LGR6: variants seen among roughly 807,000 people sequenced by gnomAD.
The protein encoded by LGR6 is leucine rich repeat containing G protein-coupled receptor 6.
LGR6 carries 45 observed loss-of-function variants against 69.4 expected under a neutral mutation model. The observed-to-expected ratio is 0.65, with a 90% CI of 0.51 to 0.83. LGR6 has a LOEUF of 0.83. Ranked by LOEUF, LGR6 falls within the 40% of genes least tolerant of loss-of-function variation. The pLI, the probability that LGR6 is intolerant of heterozygous loss-of-function variation, is 0.00. For missense variants in LGR6, 1,108 were observed against 1,246.7 expected, an observed-to-expected ratio of 0.89 and a Z score of 1.68; for synonymous variants, 538 against 555.0, an observed-to-expected ratio of 0.97 and a Z score of 0.43.
chr1:202,288,879 G>A (rs1666590820), intron 6 of LGR6, among the ~76,000 whole-genome samples: 1 of 152,216 alleles, frequency 6.6e-6, no homozygotes, highest in African/African-American at 2.4e-5. Flanking sequence ...GCTGTGGTCA[G>A]GAACACCTCA....
chr1:202,194,834 C>G (rs1658579576), intron 1 of LGR6, among the ~76,000 whole-genome samples: 1 of 152,320 alleles, frequency 6.6e-6, no homozygotes, highest in East Asian at 1.9e-4. Context: ...TCCCTAAAGT[C>G]ATGTCCCAAG....
At chr1:202,205,145 C>A (rs1412323563) in intron 1 of LGR6, among the ~76,000 whole-genome samples, 7 of 108,524 alleles carry the variant, frequency 6.5e-5, no homozygotes, top group African/African-American at 2.7e-4. Context: ...AACACACACA[C>A]ACCTCCACAC....
intron 3 of LGR6, among the ~76,000 whole-genome samples, chr1:202,230,260 C>A (rs866691630): frequency 6.6e-6 from 1 of 152,146 alleles, no homozygotes; most frequent in Admixed American, 6.5e-5. Flanking sequence ...CACACCCCCC[C>A]ACACCCCCAC....
chr1:202,315,917 G>A (rs1038180938), intron 17 of LGR6, among the ~76,000 whole-genome samples: 4 of 152,206 alleles, frequency 2.6e-5, no homozygotes, highest in African/African-American at 7.2e-5. Context: ...GTAATCAGCA[G>A]GGATGAGGTA....
intron 6 of LGR6, among the ~76,000 whole-genome samples, chr1:202,292,030 T>G (rs1301368612): frequency 6.6e-6 from 1 of 152,052 alleles, no homozygotes; most frequent in African/African-American, 2.4e-5. Flanking sequence ...GCTGAGGATG[T>G]GGGGAAAGGG....
chr1:202,250,048 A>G (rs937054693), intron 4 of LGR6, among the ~76,000 whole-genome samples: 10 of 151,638 alleles, frequency 6.6e-5, no homozygotes, highest in Admixed American at 5.2e-4. Flanking sequence ...TTCCCCTCCC[A>G]CTCTATGCTG....
intron 10 of LGR6, 27 bp from the exon 11 acceptor site, chr1:202,304,532 C>T (rs771917569): frequency 7.6e-6 from 12 of 1,575,332 alleles, no homozygotes; most frequent in Admixed American, 1.7e-5. Context: ...GGGCCTGGTG[C>T]CAGCTCTGTC....
chr1:202,279,597 C>T (rs903237446), intron 5 of LGR6, among the ~76,000 whole-genome samples: 5 of 152,174 alleles, frequency 3.3e-5, no homozygotes, highest in African/African-American at 9.7e-5. Context: ...AGCTTCCATT[C>T]TTTCATCATC....
At position 202,227,981 on chromosome 1, in the gene LGR6, C is replaced by T; in HGVS notation, c.330C>T (p.Phe110=). 1 of 1,613,550 alleles carries T rather than the reference C, an allele frequency of 6.2e-7. No homozygotes were observed. The highest frequency in any genetic ancestry group is 8.5e-7 in the Non-Finnish European group (1 of 1,179,458). The change falls in exon 3 of 18, where the codon TTC becomes TTT. Residue 110 remains phenylalanine, a synonymous_variant. Coordinates refer to ENST00000367278, the MANE Select transcript of LGR6 (RefSeq NM_001017403.2). The part of the protein sequence containing the change: ...NHLSHIPGQA[F]SGLYSLKILM... ...TCTCACACATCCCAGGACAAGCATT[C>T]TCTGGTCTCTACAGCCTGAAAATCC...
At chr1:202,282,197 C>T (rs931017685) in intron 6 of LGR6, among the ~76,000 whole-genome samples, 2 of 152,186 alleles carry the variant, frequency 1.3e-5, no homozygotes, top group Non-Finnish European at 2.9e-5. Context: ...TGCCACTGTG[C>T]GTGACTTGGG....
rs1382969922 is a variant in LGR6, at chr1:202,204,722, C to G, written c.212+10521C>G. ...ACACACACACACACCTAACACACACCTCCTTCAAACACACACACACCTCCA... is the reference window on the plus strand; with the variant it reads ...ACACACACACACACCTAACACACACGTCCTTCAAACACACACACACCTCCA... On this transcript the variant is annotated intron_variant, in intron 1 of 17. Coordinates refer to ENST00000367278, the MANE Select transcript of LGR6 (RefSeq NM_001017403.2). Among the ~76,000 whole-genome samples the G allele has an allele frequency of 1.9e-3, 252 of 131,478 alleles. 6 individuals carry two copies. The highest frequency in any genetic ancestry group is 7.8e-3 in the African/African-American group (242 of 31,148). The allele number at this position is 131,478 out of a possible 152,430, so 86.3% of individuals were successfully genotyped here. A position where few individuals can be genotyped will look rare whatever the true frequency, so the allele number is the denominator to read the frequency against.
At position 202,311,987 on chromosome 1, in the gene LGR6, C is replaced by T. The variant is rs551561894; in HGVS notation, c.1567+1630C>T. 2.0e-3 allele frequency among the ~76,000 whole-genome samples: 304 copies of T among 152,288 alleles called. 1 individual carries two copies. The highest frequency in any genetic ancestry group is 3.4e-3 in the Middle Eastern group (1 of 294). On this transcript the variant is annotated intron_variant, in intron 16 of 17. Transcript: ENST00000367278. ...CTCTGGGCCAGCAGACAGCTGTCCC[C>T]GGGGGACATTCCCGGATGTCTGCTG...
At chr1:202,250,448 G>A (rs1288128510) in intron 4 of LGR6, among the ~76,000 whole-genome samples, 1 of 150,956 alleles carries the variant, frequency 6.6e-6, no homozygotes, top group East Asian at 1.9e-4. Context: ...CTCTGTCACC[G>A]AGGCTGGAGT....
chr1:202,319,562 A>C lies in LGR6; in HGVS notation c.*355A>C, dbSNP rs1654468915. The C allele has an allele frequency of 1.4e-5, 3 of 214,064 alleles. No homozygotes were observed. Among genetic ancestry groups the C allele is most frequent in the African/African-American group, 6.9e-5 (3 of 43,564 alleles). The allele number at this position is 214,064 out of a possible 1,614,324, so 13.3% of individuals were successfully genotyped here. A position where few individuals can be genotyped will look rare whatever the true frequency, so the allele number is the denominator to read the frequency against. ...AGGGCACAGTGGACAGGGAGACCTC[A>C]CAGAGAAAGGCCTGGAAGGTGATTT... On this transcript the variant is annotated 3_prime_UTR_variant, in exon 18 of 18. Coordinates refer to ENST00000367278, the MANE Select transcript of LGR6 (RefSeq NM_001017403.2).
chr1:202,282,633 G>A (rs748053938), intron 6 of LGR6, among the ~76,000 whole-genome samples: 4 of 152,194 alleles, frequency 2.6e-5, no homozygotes, highest in Non-Finnish European at 5.9e-5. Context: ...CCTGGAGTGT[G>A]GGCGCTGTTA....
intron 1 of LGR6, among the ~76,000 whole-genome samples, chr1:202,203,408 G>A (rs371035814): frequency 3.3e-5 from 5 of 152,168 alleles, no homozygotes; most frequent in African/African-American, 7.2e-5. Flanking sequence ...TGTAAGCCCC[G>A]GTTGCCATCA....
At chr1:202,280,296 C>T (rs1665905307) in intron 5 of LGR6, among the ~76,000 whole-genome samples, 1 of 152,150 alleles carries the variant, frequency 6.6e-6, no homozygotes, top group Admixed American at 6.5e-5. Context: ...CACCAATCTG[C>T]CTGTTCTCTG....
At chr1:202,208,674 C>T (rs1027785421) in intron 1 of LGR6, among the ~76,000 whole-genome samples, 1 of 152,106 alleles carries the variant, frequency 6.6e-6, no homozygotes, top group Non-Finnish European at 1.5e-5. Flanking sequence ...TCGTTGCCCA[C>T]TCCCCTACTC....
chr1:202,309,265 A>T (rs1391314337), intron 15 of LGR6, 89 bp downstream of exon 15: 4 of 1,508,288 alleles, frequency 2.7e-6, no homozygotes, highest in Non-Finnish European at 3.6e-6. Context: ...CACCCTGAGA[A>T]GAGCCTAGAG....
Sources: allele counts gnomAD v4.1 joint callset (sites outside exome capture counted in the v4.1 genomes callset), GRCh38; gene constraint gnomAD v4.1.1; transcripts MANE v1.5; gene names NCBI Gene and HGNC (gene_info 2026-07-23, HGNC 2026-07-21).